Variants in ANXA8 observed in about 807,000 individuals in gnomAD.
ANXA8 encodes annexin A8, also known as VAC-beta.
A neutral mutation model predicts 26.8 loss-of-function variants in ANXA8; 9 were observed. The observed-to-expected ratio is 0.34, with a 90% CI of 0.20 to 0.59. The LOEUF (loss-of-function observed/expected upper bound fraction) is 0.59. ANXA8 is among the 20% of genes least tolerant of loss of function. The pLI, the probability that ANXA8 is intolerant of heterozygous loss-of-function variation, is 0.84. For missense variants in ANXA8, 83 were observed against 238.5 expected (o/e 0.35, Z 4.29); for synonymous variants, 39 against 94.8 (o/e 0.41, Z 3.42).
the ANXA8 span, among the ~76,000 whole-genome samples, chr10:47,593,806 G>A: frequency 2.1e-5 from 3 of 145,316 alleles, no homozygotes; most frequent in Admixed American, 6.7e-5. Flanking sequence ...TATTGTTCCC[G>A]GGTGTGTTTG....
the ANXA8 span, chr10:47,690,885 T>C: frequency 6.2e-7 from 1 of 1,611,618 alleles, no homozygotes; most frequent in Non-Finnish European, 8.5e-7. Flanking sequence ...AAGCTCTATC[T>C]AGAGTCCTTC....
the ANXA8 span, chr10:47,502,225 C>A: frequency 1.6e-5 from 25 of 1,574,144 alleles, 1 homozygote; most frequent in Non-Finnish European, 2.1e-5. Context: ...GACCACATTC[C>A]CCTTGCGGCA....
chr10:47,960,649 G>C, the ANXA8 span, among the ~76,000 whole-genome samples: 1 of 149,232 alleles, frequency 6.7e-6, no homozygotes, highest in Non-Finnish European at 1.5e-5. Flanking sequence ...TATATGGTTC[G>C]ATTAATCTTT....
the ANXA8 span, among the ~76,000 whole-genome samples, chr10:47,717,997 CAAAAAAAAA>C: frequency 1.8e-5 from 1 of 55,490 alleles, no homozygotes; most frequent in African/African-American, 8.6e-5. Context: ...TACTCTGTCT[CAAAAAAAAA>C]AAAAAAAAAA....
the ANXA8 span, among the ~76,000 whole-genome samples, chr10:47,674,951 G>A: frequency 2.0e-5 from 3 of 149,902 alleles, no homozygotes; most frequent in African/African-American, 7.5e-5. Context: ...TATATTTAGA[G>A]ACTAAAGCAT....
chr10:47,527,881 T>C, the ANXA8 span, among the ~76,000 whole-genome samples: 3 of 148,544 alleles, frequency 2.0e-5, no homozygotes, highest in Non-Finnish European at 1.5e-5. Context: ...AAAAAACACA[T>C]TTTTGAGGTT....
At chr10:47,733,575 A>G in the ANXA8 span, among the ~76,000 whole-genome samples, 8 of 128,646 alleles carry the variant, frequency 6.2e-5, no homozygotes, top group Non-Finnish European at 1.3e-4. Flanking sequence ...TCAGAACAAT[A>G]TAGAATGAGA....
the ANXA8 span, chr10:47,690,405 C>G: frequency 9.9e-7 from 1 of 1,006,972 alleles, no homozygotes; most frequent in African/African-American, 1.6e-5. Context: ...GGTCTCAGAC[C>G]TTAAAATATC....
At chr10:47,572,999 T>C in the ANXA8 span, among the ~76,000 whole-genome samples, 1 of 148,668 alleles carries the variant, frequency 6.7e-6, no homozygotes, top group Non-Finnish European at 1.5e-5. Flanking sequence ...TTGTTTTTTG[T>C]TTTTGAGACA....
the ANXA8 span, chr10:47,581,715 T>C: frequency 4.0e-6 from 1 of 253,074 alleles, no homozygotes; most frequent in Admixed American, 4.9e-5. Flanking sequence ...CATGCCATTC[T>C]CCTGCCCCAG....
chr10:47,563,703 T>C, the ANXA8 span: 1 of 798,244 alleles, frequency 1.3e-6, no homozygotes, highest in South Asian at 1.4e-5. Context: ...TCGCTTTTCT[T>C]GCTACCTAAT....
the ANXA8 span, among the ~76,000 whole-genome samples, chr10:47,533,223 ACC>A: frequency 0.012 from 1,670 of 138,198 alleles, 15 homozygotes; most frequent in African/African-American, 0.017. Flanking sequence ...ACACACACAC[ACC>A]CCCGCAGACA....
At chr10:47,628,916 T>C in the ANXA8 span, among the ~76,000 whole-genome samples, 3 of 137,938 alleles carry the variant, frequency 2.2e-5, no homozygotes, top group African/African-American at 3.1e-5. Context: ...ATATATACCA[T>C]GCATATAAAA....
At chr10:47,733,171 T>TTCTTTCTTTCTCTCTCTC in the ANXA8 span, among the ~76,000 whole-genome samples, 204 of 100,884 alleles carry the variant, frequency 2.0e-3, 1 homozygote, top group African/African-American at 6.1e-3. Context: ...CTTTCTTTCT[T>TTCTTTCTTTCTCTCTCTC]TCTTTCTTTC....
chr10:47,651,357 A>C, the ANXA8 span, among the ~76,000 whole-genome samples: 1 of 151,698 alleles, frequency 6.6e-6, no homozygotes, highest in Non-Finnish European at 1.5e-5. Context: ...GAACCCTATA[A>C]GGGTTCCTTA....
At chr10:47,957,369 A>G in the ANXA8 span, among the ~76,000 whole-genome samples, 1 of 150,112 alleles carries the variant, frequency 6.7e-6, no homozygotes, top group Admixed American at 6.6e-5. Flanking sequence ...CCCTCAAAAC[A>G]TTTTCTTTCA....
intron 1 of ANXA8, among the ~76,000 whole-genome samples, chr10:47,482,118 C>G (rs1839843340): frequency 7.3e-6 from 1 of 137,888 alleles, no homozygotes; most frequent in African/African-American, 2.8e-5. Flanking sequence ...CTCATCTCCT[C>G]CCATCGCGTT....
the ANXA8 span, among the ~76,000 whole-genome samples, chr10:47,685,595 G>T: frequency 6.6e-6 from 1 of 151,832 alleles, no homozygotes; most frequent in Non-Finnish European, 1.5e-5. Context: ...AAGTTTGGGA[G>T]AGAGATTGGC....
chr10:47,584,260 C>T, the ANXA8 span, among the ~76,000 whole-genome samples: 4 of 149,096 alleles, frequency 2.7e-5, no homozygotes, highest in East Asian at 2.0e-4. Flanking sequence ...AGGGTGGGGA[C>T]TGGCTGGGTG....
Sources: allele counts gnomAD v4.1 joint callset (sites outside exome capture counted in the v4.1 genomes callset), GRCh38; gene constraint gnomAD v4.1.1; transcripts MANE v1.5; gene names NCBI Gene and HGNC (gene_info 2026-07-23, HGNC 2026-07-21).